Variants in APBB2 observed in about 807,000 individuals in gnomAD.
APBB2 encodes the protein Fe65-like 1.
APBB2 carries 38 observed loss-of-function variants against 82.5 expected under a neutral mutation model. The ratio of observed to expected loss-of-function variants is 0.46; its 90% CI spans 0.36 to 0.60. The LOEUF is 0.60. Ranked by LOEUF, APBB2 falls within the 20% of genes least tolerant of loss-of-function variation. The pLI, the probability that APBB2 is intolerant of heterozygous loss-of-function variation, is 0.00. For missense variants in APBB2, 772 were observed against 972.3 expected (o/e 0.79, Z 2.74); for synonymous variants, 341 against 368.2 (o/e 0.93, Z 0.85).
chr4:41,156,657 A>C (rs892159576), intron 1 of APBB2, among the ~76,000 whole-genome samples: 1 of 152,192 alleles, frequency 6.6e-6, no homozygotes, highest in African/African-American at 2.4e-5. Flanking sequence ...AGTATTACGG[A>C]AAGTTCATTG....
chr4:41,024,383 C>G (rs1458490473), intron 5 of APBB2, among the ~76,000 whole-genome samples: 1 of 152,206 alleles, frequency 6.6e-6, no homozygotes, highest in Non-Finnish European at 1.5e-5. Flanking sequence ...ACAGAGTAAA[C>G]AGACAACCTA....
In APBB2 at chr4:40,816,061, G is replaced by A; in HGVS notation, c.*31C>T. 1 of 1,602,270 alleles carries A rather than the reference G, an allele frequency of 6.2e-7. No homozygotes were observed. The highest frequency in any genetic ancestry group is 8.5e-7 in the Non-Finnish European group (1 of 1,170,424). On this transcript the variant is annotated 3_prime_UTR_variant, in exon 18 of 18. Transcript: ENST00000508593. Reference sequence around the variant, plus strand: ...CTTTAGTGTAGCTAGTCAATCTTCAGGTAAATAGCCGAGTCCTTTTGCATG... The same window carrying A: ...CTTTAGTGTAGCTAGTCAATCTTCAAGTAAATAGCCGAGTCCTTTTGCATG...
Position 40,832,043 on chromosome 4 carries a change from CACACACACAT to C in APBB2, c.1530-1476_1530-1467del, listed in dbSNP as rs1481441209. Reference sequence around the variant, plus strand: ...ACACACACACACACACACACACACACACACACACATATACACCAAGCTTTACCCATCTAGG... The same window carrying C: ...ACACACACACACACACACACACACACATACACCAAGCTTTACCCATCTAGG... On this transcript the variant is annotated intron_variant, in intron 12 of 17. Coordinates refer to ENST00000508593, the MANE Select transcript of APBB2 (RefSeq NM_004307.2). This position sits in a 1 kb window ranked among gnomAD's most constrained non-coding sequence, Gnocchi z 4.8. 3.3e-5 allele frequency among the ~76,000 whole-genome samples: 5 copies of C among 151,632 alleles called. No homozygotes were observed. Among genetic ancestry groups the C allele is most frequent in the Non-Finnish European group, 7.4e-5 (5 of 67,922 alleles).
chr4:41,180,250 C>T (rs924529158), intron 1 of APBB2, among the ~76,000 whole-genome samples: 29 of 152,090 alleles, frequency 1.9e-4, no homozygotes, highest in African/African-American at 4.3e-4. Context: ...CTGTGAATCC[C>T]GAATAAATCA....
chr4:40,861,551 A>G (rs1363999190), intron 12 of APBB2, among the ~76,000 whole-genome samples: 1 of 152,222 alleles, frequency 6.6e-6, no homozygotes, highest in Admixed American at 6.5e-5. Context: ...AAATGAATGA[A>G]TGAATAAAAA....
At chr4:41,033,168 A>G (rs1717712039) in intron 5 of APBB2, 68 bp downstream of exon 5, 1 of 986,456 alleles carries the variant, frequency 1.0e-6, no homozygotes, top group African/African-American at 1.6e-5. Context: ...AACATTAAAC[A>G]TTATCTTTTT....
In APBB2 at chr4:40,816,044, T is replaced by TA; in HGVS notation, c.*47dup. 3.8e-6 allele frequency: 6 copies of TA among 1,593,304 alleles called. No individual in the cohort carries two copies. The highest frequency in any genetic ancestry group is 5.2e-6 in the Non-Finnish European group (6 of 1,164,564). On this transcript the variant is annotated 3_prime_UTR_variant, in exon 18 of 18. Coordinates refer to ENST00000508593, the MANE Select transcript of APBB2 (RefSeq NM_004307.2). ...ATGGCGGAGTTCATTTTCTTTAGTGTAGCTAGTCAATCTTCAGGTAAATAG... is the reference window on the plus strand; with the variant it reads ...ATGGCGGAGTTCATTTTCTTTAGTGTAAGCTAGTCAATCTTCAGGTAAATAG...
chr4:40,942,558 G>A (rs1787292028), intron 7 of APBB2, among the ~76,000 whole-genome samples: 1 of 152,310 alleles, frequency 6.6e-6, no homozygotes, highest in South Asian at 2.1e-4. Flanking sequence ...AGACTCCTGA[G>A]AAGATCAGAT....
chr4:40,844,030 G>A (rs1478841662), intron 12 of APBB2, among the ~76,000 whole-genome samples: 2 of 152,212 alleles, frequency 1.3e-5, no homozygotes, highest in East Asian at 1.9e-4. Flanking sequence ...GGGCCAAAGG[G>A]TTTGGCCAAG....
intron 2 of APBB2, among the ~76,000 whole-genome samples, chr4:41,122,589 C>G (rs1753170125): frequency 6.6e-6 from 1 of 152,154 alleles, no homozygotes; most frequent in African/African-American, 2.4e-5. Flanking sequence ...AAGATCCTGG[C>G]CTGTAATTCC....
At chr4:40,874,104 G>A (rs780262955) in intron 12 of APBB2, among the ~76,000 whole-genome samples, 4 of 152,156 alleles carry the variant, frequency 2.6e-5, no homozygotes, top group South Asian at 2.1e-4. Flanking sequence ...TTAACGAGGC[G>A]AAATATTAGT....
intron 6 of APBB2, among the ~76,000 whole-genome samples, chr4:41,003,565 T>C (rs1327092046): frequency 6.6e-6 from 1 of 152,144 alleles, no homozygotes; most frequent in African/African-American, 2.4e-5. Context: ...ATGACTTGTG[T>C]CCCTATAAGA....
At chr4:41,021,012 T>C (rs551315908) in intron 5 of APBB2, among the ~76,000 whole-genome samples, 11 of 152,356 alleles carry the variant, frequency 7.2e-5, no homozygotes, top group African/African-American at 2.2e-4. Context: ...TTAAGCAACA[T>C]GGCTTCTCCC....
chr4:41,012,261 C>T (rs530626514), intron 6 of APBB2, among the ~76,000 whole-genome samples: 13 of 152,310 alleles, frequency 8.5e-5, no homozygotes, highest in South Asian at 2.1e-4. Flanking sequence ...TGTCAGTAAA[C>T]GCCAAACACA....
chr4:40,846,873 C>T (rs1757828836), intron 12 of APBB2, among the ~76,000 whole-genome samples: 2 of 152,006 alleles, frequency 1.3e-5, no homozygotes, highest in South Asian at 2.1e-4. Flanking sequence ...TTTTAAAAGT[C>T]CATCTTTGAA....
intron 6 of APBB2, among the ~76,000 whole-genome samples, chr4:40,960,555 C>T (rs1274156925): frequency 6.8e-6 from 1 of 147,380 alleles, no homozygotes; most frequent in Admixed American, 7.1e-5. Context: ...TCACGCCATT[C>T]TCCTGCCTCA....
chr4:40,992,339 A>T (rs1802344930), intron 6 of APBB2, among the ~76,000 whole-genome samples: 2 of 112,542 alleles, frequency 1.8e-5, no homozygotes, highest in African/African-American at 3.2e-5. Context: ...AATTTTATTT[A>T]TTTATTTATT....
intron 1 of APBB2, among the ~76,000 whole-genome samples, chr4:41,211,931 GA>G (rs1413392700): frequency 6.6e-6 from 1 of 152,136 alleles, no homozygotes; most frequent in Non-Finnish European, 1.5e-5. Flanking sequence ...ATGGTGGTTT[GA>G]TGCACAGATC....
intron 5 of APBB2, among the ~76,000 whole-genome samples, chr4:41,020,090 C>T (rs1323178823): frequency 1.3e-5 from 2 of 152,056 alleles, no homozygotes; most frequent in East Asian, 1.9e-4. Flanking sequence ...AACAGTGTAC[C>T]CTATTCCTTT....
Sources: gnomAD v4.1 joint callset for allele counts (sites outside exome capture counted in the v4.1 genomes callset) on GRCh38, gnomAD v4.1.1 for gene constraint, Gnocchi (gnomAD v3.1) non-coding constraint, MANE v1.5 for transcripts, NCBI Gene and HGNC (gene_info 2026-07-23, HGNC 2026-07-21) for gene names.